The following SPRR2G variants were observed in gnomAD, a reference collection of about 807,000 sequenced individuals.
SPRR2G encodes the protein small proline rich protein 2G.
A neutral mutation model predicts 0.7 loss-of-function variants in SPRR2G; 1 was observed. The ratio of observed to expected loss-of-function variants is 1.49; its 90% CI spans 0.53 to 7.06. SPRR2G has a LOEUF of 7.06. Ranked by LOEUF, SPRR2G falls within the 30% of genes most tolerant of loss-of-function variation. The pLI is 0.14. For synonymous variants in SPRR2G, 38 were observed against 33.9 expected (o/e 1.12, Z -0.42); for missense variants, 96 against 88.5 (o/e 1.09, Z -0.34).
At chr1:153,167,231 T>C in the SPRR2G span, among the ~76,000 whole-genome samples, 7 of 152,340 alleles carry the variant, frequency 4.6e-5, no homozygotes, top group East Asian at 9.6e-4. Context: ...TCCCAGCATT[T>C]TGGGAGGCCA....
the SPRR2G span, among the ~76,000 whole-genome samples, chr1:153,181,479 C>G: frequency 1.2e-4 from 19 of 152,122 alleles, no homozygotes; most frequent in Non-Finnish European, 2.6e-4. Context: ...AGTCAGCTCA[C>G]TCTAATATCA....
At chr1:153,169,875 T>A in the SPRR2G span, among the ~76,000 whole-genome samples, 1 of 152,244 alleles carries the variant, frequency 6.6e-6, no homozygotes, top group Non-Finnish European at 1.5e-5. Flanking sequence ...TATTTCTGGC[T>A]TCTGGCTGGA....
In SPRR2G at chr1:153,150,080, G is replaced by A; in HGVS notation, c.31C>T (p.Pro11Ser). Reference protein sequence around the residue: MSYQQQQCKQPCQPPPVCPTP... With the variant: MSYQQQQCKQSCQPPPVCPTP... ...GGGCACACAGGAGGTGGCTGGCAGG[G>A]CTGCTTGCACTGCTGCTGCTGGTAA... Residue 11 changes from proline (P) to serine (S), a missense_variant, in exon 2 of 2, where the codon CCC becomes TCC. Physicochemically the swap from Pro to Ser is moderately conservative, Grantham distance 74. Coordinates refer to ENST00000368748, the MANE Select transcript of SPRR2G (RefSeq NM_001014291.4). The A allele has an allele frequency of 6.2e-7, 1 of 1,612,766 alleles. No homozygotes were observed. The highest frequency in any genetic ancestry group is 8.5e-7 in the Non-Finnish European group (1 of 1,179,860).
chr1:153,199,924 C>G, the SPRR2G span, among the ~76,000 whole-genome samples: 1 of 151,784 alleles, frequency 6.6e-6, no homozygotes, highest in Non-Finnish European at 1.5e-5. Flanking sequence ...TCTGCTTGTT[C>G]AACAAGAATT....
At chr1:153,184,964 A>T in the SPRR2G span, among the ~76,000 whole-genome samples, 1 of 152,156 alleles carries the variant, frequency 6.6e-6, no homozygotes, top group African/African-American at 2.4e-5. Flanking sequence ...TGAGATAATC[A>T]TGTGGTTTTT....
the SPRR2G span, among the ~76,000 whole-genome samples, chr1:153,175,917 TGTG>T: frequency 1.3e-5 from 2 of 151,952 alleles, no homozygotes; most frequent in South Asian, 2.1e-4. Context: ...ATTAGCCAGA[TGTG>T]GTGGTGCATG....
the SPRR2G span, among the ~76,000 whole-genome samples, chr1:153,160,756 A>C: frequency 6.6e-6 from 1 of 151,442 alleles, no homozygotes; most frequent in African/African-American, 2.5e-5. Flanking sequence ...TACCCAAAGG[A>C]TTATAAAACA....
chr1:153,152,002 C>G (rs1356881405), upstream of SPRR2G, among the ~76,000 whole-genome samples: 1 of 152,138 alleles, frequency 6.6e-6, no homozygotes, highest in Non-Finnish European at 1.5e-5. Context: ...CTGTGTGGAA[C>G]TAAATATTTC....
At chr1:153,157,975 G>A in the SPRR2G span, among the ~76,000 whole-genome samples, 1 of 151,968 alleles carries the variant, frequency 6.6e-6, no homozygotes, top group African/African-American at 2.4e-5. Context: ...TCATGAGACG[G>A]CCCCATGATT....
the SPRR2G span, chr1:153,190,310 G>A: frequency 6.6e-6 from 1 of 152,504 alleles, no homozygotes; most frequent in African/African-American, 2.4e-5. Flanking sequence ...TGGACAAGAG[G>A]ATACTGCATC....
chr1:153,161,096 TG>T, the SPRR2G span, among the ~76,000 whole-genome samples: 1 of 90,738 alleles, frequency 1.1e-5, no homozygotes, highest in African/African-American at 4.2e-5. Flanking sequence ...TGTTGTGGGG[TG>T]GGGGGAGGGA....
At chr1:153,150,373 A>G (rs985333580) in intron 1 of SPRR2G, among the ~76,000 whole-genome samples, 1 of 152,224 alleles carries the variant, frequency 6.6e-6, no homozygotes, top group Admixed American at 6.5e-5. Flanking sequence ...AGACAGCAAC[A>G]AATGTTGTCT....
chr1:153,176,999 G>A, the SPRR2G span, among the ~76,000 whole-genome samples: 4 of 152,002 alleles, frequency 2.6e-5, no homozygotes, highest in African/African-American at 9.7e-5. Flanking sequence ...CCTCCCAAAG[G>A]CACTGTTCAG....
the SPRR2G span, among the ~76,000 whole-genome samples, chr1:153,201,520 T>C: frequency 6.6e-6 from 1 of 152,114 alleles, no homozygotes; most frequent in Non-Finnish European, 1.5e-5. Flanking sequence ...TCTCCTGAGA[T>C]GGGGGTGAGA....
the SPRR2G span, among the ~76,000 whole-genome samples, chr1:153,170,053 T>C: frequency 6.6e-6 from 1 of 152,232 alleles, no homozygotes; most frequent in African/African-American, 2.4e-5. Context: ...GATTTTAAGT[T>C]ACAAAGTGTA....
At chr1:153,173,496 A>G in the SPRR2G span, among the ~76,000 whole-genome samples, 2 of 152,240 alleles carry the variant, frequency 1.3e-5, no homozygotes, top group African/African-American at 4.8e-5. Flanking sequence ...TCAGAAGCAC[A>G]TATTGAATGG....
the SPRR2G span, among the ~76,000 whole-genome samples, chr1:153,171,590 G>T: frequency 6.6e-6 from 1 of 152,076 alleles, no homozygotes; most frequent in Admixed American, 6.5e-5. Context: ...GCAGATAATT[G>T]CTCACTTTTT....
the SPRR2G span, among the ~76,000 whole-genome samples, chr1:153,194,874 G>A: frequency 1.3e-5 from 2 of 152,200 alleles, no homozygotes; most frequent in Admixed American, 6.5e-5. Flanking sequence ...GGCAGTGAGT[G>A]AGTGGGAGTG....
chr1:153,197,132 ATGTGTGTGTG>A, the SPRR2G span, among the ~76,000 whole-genome samples: 1,062 of 140,370 alleles, frequency 7.6e-3, 7 homozygotes, highest in South Asian at 0.016. Context: ...CAGGCAGAGA[ATGTGTGTGTG>A]TGTGTGTGTG....
Sources: gnomAD v4.1 joint callset for allele counts (sites outside exome capture counted in the v4.1 genomes callset) on GRCh38, gnomAD v4.1.1 for gene constraint, MANE v1.5 for transcripts, NCBI Gene and HGNC (gene_info 2026-07-23, HGNC 2026-07-21) for gene names.